CYFIP2: variants seen among roughly 807,000 people sequenced by gnomAD.
The protein encoded by CYFIP2 is cytoplasmic FMR1-interacting protein 2.
In CYFIP2, 29 loss-of-function variants were observed where a neutral mutation model predicts 158.7. The ratio of observed to expected loss-of-function variants is 0.18; its 90% CI spans 0.14 to 0.25. The LOEUF is 0.25. Ranked by LOEUF, CYFIP2 falls within the 10% of genes least tolerant of loss-of-function variation. The pLI is 1.00. For synonymous variants in CYFIP2, 585 were observed against 617.6 expected (o/e 0.95, Z 0.78); for missense variants, 852 against 1,639.5 (o/e 0.52, Z 8.29).
intron 10 of CYFIP2, among the ~76,000 whole-genome samples, chr5:157,310,593 T>C (rs1050342541): frequency 6.4e-4 from 98 of 152,356 alleles, no homozygotes; most frequent in African/African-American, 2.3e-3. Flanking sequence ...GTGACGGGGT[T>C]TTGCAGGAAA....
At chr5:157,382,483 T>G (rs2113511538) in intron 26 of CYFIP2, 107 bp from the exon 27 acceptor site, 4 of 1,185,540 alleles carry the variant, frequency 3.4e-6, no homozygotes, top group Non-Finnish European at 4.9e-6. Context: ...AGAGCCAGGA[T>G]TTGAACCCAG....
intron 23 of CYFIP2, among the ~76,000 whole-genome samples, chr5:157,353,764 C>G (rs1284506549): frequency 6.6e-6 from 1 of 152,158 alleles, no homozygotes; most frequent in Non-Finnish European, 1.5e-5. Flanking sequence ...CTGATGATAT[C>G]CATTAGAGAA....
At chr5:157,338,599 TGG>T (rs1472858567) in intron 21 of CYFIP2, among the ~76,000 whole-genome samples, 152 of 152,364 alleles carry the variant, frequency 1.0e-3, no homozygotes, top group African/African-American at 3.3e-3. Context: ...CATACTAATT[TGG>T]TTGAACCAGG....
intron 26 of CYFIP2, among the ~76,000 whole-genome samples, chr5:157,374,091 AAGAACAGC>A (rs1765240740): frequency 6.6e-6 from 1 of 152,236 alleles, no homozygotes; most frequent in Non-Finnish European, 1.5e-5. Flanking sequence ...ATTGGAAATC[AAGAACAGC>A]AGATTTGTAG....
chr5:157,299,637 A>G (rs1758574089), intron 5 of CYFIP2, among the ~76,000 whole-genome samples: 1 of 152,202 alleles, frequency 6.6e-6, no homozygotes, highest in Non-Finnish European at 1.5e-5. Context: ...GTGGTGGTTC[A>G]TGCCTGTAAT....
At chr5:157,389,539 CCAA>C (rs767354574) in intron 29 of CYFIP2, 112 bp downstream of exon 29, 5 of 946,236 alleles carry the variant, frequency 5.3e-6, no homozygotes, top group Non-Finnish European at 7.7e-6. Context: ...GGGTGGTTGG[CCAA>C]CAACTACTTT....
chr5:157,374,990 AG>A (rs1765327680), intron 26 of CYFIP2, among the ~76,000 whole-genome samples: 1 of 152,224 alleles, frequency 6.6e-6, no homozygotes, highest in Non-Finnish European at 1.5e-5. Context: ...ATGACGAGTA[AG>A]GGAAACTCAT....
chr5:157,310,951 T>C, intron 10 of CYFIP2: 1 of 455,398 alleles, frequency 2.2e-6, no homozygotes, highest in Admixed American at 2.4e-5. Context: ...CTTTTTCTCT[T>C]GGGGATGGAG....
At chr5:157,342,889 G>A (rs553987053) in intron 23 of CYFIP2, 18 of 1,613,710 alleles carry the variant, frequency 1.1e-5, no homozygotes, top group South Asian at 6.6e-5. Flanking sequence ...GCAGTATAGC[G>A]GGTGGGTCAC....
chr5:157,384,734 G>A (rs922235926), intron 28 of CYFIP2: 1 of 329,774 alleles, frequency 3.0e-6, no homozygotes, highest in Non-Finnish European at 6.1e-6. Context: ...CAGGTCAGGA[G>A]GTCGAGACCA....
chr5:157,389,777 G>C (rs1314463731), intron 29 of CYFIP2: 1 of 192,020 alleles, frequency 5.2e-6, no homozygotes, highest in African/African-American at 2.3e-5. Context: ...CAGCAGCCAA[G>C]AGCTCTAGGA....
At chr5:157,379,668 C>CAAAA (rs70984468) in intron 26 of CYFIP2, among the ~76,000 whole-genome samples, 4,887 of 73,108 alleles carry the variant, frequency 0.067, 433 homozygotes, top group East Asian at 0.11. Flanking sequence ...GACCCTGTCT[C>CAAAA]AAAAAAAAAA....
At chr5:157,305,837 G>A (rs7715445) in intron 8 of CYFIP2, among the ~76,000 whole-genome samples, 1,929 of 152,248 alleles carry the variant, frequency 0.013, 45 homozygotes, top group African/African-American at 0.043. Flanking sequence ...TTTTATGTAC[G>A]TCCTTCTAAG....
intron 27 of CYFIP2, 90 bp downstream of exon 27, chr5:157,382,752 A>C (rs1766254761): frequency 3.8e-6 from 5 of 1,317,136 alleles, no homozygotes. Context: ...TCTAGTCAGC[A>C]AGGGGGAAGG....
intron 23 of CYFIP2, among the ~76,000 whole-genome samples, chr5:157,344,647 A>G (rs566115364): frequency 1.3e-5 from 2 of 152,308 alleles, no homozygotes; most frequent in South Asian, 2.1e-4. Context: ...CCTGATCAGA[A>G]ATACAGAGAC....
rs534240919 is a variant in CYFIP2, at chr5:157,369,879, G to GTTTTGTTTTTTTTTT, written c.3039+8285_3039+8286insGTTTTTTTTTTTTTT. Among the ~76,000 whole-genome samples the GTTTTGTTTTTTTTTT allele has an allele frequency of 4.7e-4, 49 of 103,272 alleles. 1 individual carries two copies. The highest frequency in any genetic ancestry group is 6.9e-4 in the African/African-American group (17 of 24,638). The allele number at this position is 103,272 out of a possible 152,430, so 67.8% of individuals were successfully genotyped here. A position where few individuals can be genotyped will look rare whatever the true frequency, so the allele number is the denominator to read the frequency against. ...AACAAAATCCTTGAGAATGGACCTA[G>GTTTTGTTTTTTTTTT]TTTTTTTTTTTTTTTTTTTAAAGAC... On this transcript the variant is annotated intron_variant, in intron 26 of 30. Transcript: ENST00000620254.
At position 157,361,584 on chromosome 5, in the gene CYFIP2, A is replaced by G; in HGVS notation, c.3025A>G (p.Ile1009Val). The G allele has an allele frequency of 1.2e-6, 2 of 1,613,846 alleles. No homozygotes were observed. Among genetic ancestry groups the G allele is most frequent in the Non-Finnish European group, 1.7e-6 (2 of 1,179,864 alleles). Residue 1009 changes from isoleucine to valine, a missense_variant, in exon 26 of 31, where the codon ATA becomes GTA. Ile to Val is a conservative substitution (Grantham distance 29). Coordinates refer to ENST00000620254, the MANE Select transcript of CYFIP2 (RefSeq NM_001037333.3). The surrounding 1 kb of genome is among the most constrained non-coding windows in gnomAD (Gnocchi z 4.4). ...VGNAILFCLLIEQALSQEEVC... is the reference protein window; with the variant it reads ...VGNAILFCLLVEQALSQEEVC... ...CAATGCCATCCTCTTCTGCCTCCTCATAGAGCAAGCTCTGGTAAGTCCAGA... is the reference window on the plus strand; with the variant it reads ...CAATGCCATCCTCTTCTGCCTCCTCGTAGAGCAAGCTCTGGTAAGTCCAGA...
chr5:157,350,401 T>C (rs1762986605), intron 23 of CYFIP2, among the ~76,000 whole-genome samples: 1 of 152,240 alleles, frequency 6.6e-6, no homozygotes, highest in African/African-American at 2.4e-5. Flanking sequence ...CCCCGCTTTA[T>C]ATTTTTGTTT....
At chr5:157,304,398 C>T (rs763843682) in intron 8 of CYFIP2, 32 bp downstream of exon 8, 7 of 1,587,036 alleles carry the variant, frequency 4.4e-6, no homozygotes, top group South Asian at 1.1e-5. Flanking sequence ...ACCCATGGAG[C>T]CTGGGCTTAC....
Sources: allele counts gnomAD v4.1 joint callset (sites outside exome capture counted in the v4.1 genomes callset), GRCh38; gene constraint gnomAD v4.1.1; non-coding constraint Gnocchi (gnomAD v3.1); transcripts MANE v1.5; gene names NCBI Gene and HGNC (gene_info 2026-07-23, HGNC 2026-07-21).